The following ZNF560 variants were observed in gnomAD, a reference collection of about 807,000 sequenced individuals.
ZNF560 encodes the protein zinc finger protein 560.
ZNF560 carries 54 observed loss-of-function variants against 81.8 expected under a neutral mutation model. The observed-to-expected ratio is 0.66, with a 90% CI of 0.53 to 0.83. The LOEUF (loss-of-function observed/expected upper bound fraction) is 0.83, where lower values mean the gene tolerates loss of function less well. ZNF560 is among the 40% of genes least tolerant of loss of function. The probability of loss-of-function intolerance (pLI) is 0.00; values close to 1 mark genes in which losing one functional copy is unlikely to be tolerated. For missense variants in ZNF560, 940 were observed against 932.4 expected, an observed-to-expected ratio of 1.01 and a Z score of -0.11; for synonymous variants, 321 against 317.9, an observed-to-expected ratio of 1.01 and a Z score of -0.10.
Position 9,491,791 on chromosome 19 carries a change from A to C in ZNF560, c.-57+6337T>G, listed in dbSNP as rs952628543. On this transcript the variant is annotated intron_variant, in intron 2 of 9. Transcript: ENST00000301480. ...CAGTGAGCCGAGATCCTGCCACTGC[A>C]CTCCAGCCTGGGCGACAGAGCGAGA... 4.8e-4 allele frequency among the ~76,000 whole-genome samples: 51 copies of C among 105,320 alleles called. 1 individual carries two copies. Among genetic ancestry groups the C allele is most frequent in the Non-Finnish European group, 7.6e-4 (43 of 56,234 alleles). The allele number at this position is 105,320 out of a possible 152,430, so 69.1% of individuals were successfully genotyped here.
chr19:9,470,240 TTATTTCC>T (rs1599651949), intron 7 of ZNF560, 145 bp downstream of exon 7: 3 of 759,838 alleles, frequency 3.9e-6, no homozygotes, highest in Non-Finnish European at 6.3e-6. Context: ...ACTGTCTCTG[TTATTTCC>T]TATTTTACTC....
downstream of ZNF560, among the ~76,000 whole-genome samples, chr19:9,464,199 G>A (rs1008748551): frequency 6.6e-6 from 1 of 152,184 alleles, no homozygotes; most frequent in African/African-American, 2.4e-5. Flanking sequence ...TAGTGATGGT[G>A]TCAAGCACAG....
chr19:9,501,572 G>C (rs770720357), upstream of ZNF560, among the ~76,000 whole-genome samples: 1 of 151,728 alleles, frequency 6.6e-6, no homozygotes, highest in Non-Finnish European at 1.5e-5. Context: ...TGTTGGCCAG[G>C]CTGGTCTCAA....
intron 2 of ZNF560, among the ~76,000 whole-genome samples, chr19:9,489,238 G>A (rs994603142): frequency 1.2e-4 from 18 of 152,366 alleles, no homozygotes; most frequent in African/African-American, 4.3e-4. Context: ...TCACTTCCCA[G>A]ACAGTGGGGC....
upstream of ZNF560, among the ~76,000 whole-genome samples, chr19:9,502,531 G>A (rs904609556): frequency 6.6e-5 from 10 of 152,094 alleles, no homozygotes; most frequent in Admixed American, 6.5e-5. Flanking sequence ...TTTTTTGGAG[G>A]ATATTGAGAA....
chr19:9,480,870 G>A (rs961968525), intron 2 of ZNF560, among the ~76,000 whole-genome samples: 1 of 152,090 alleles, frequency 6.6e-6, no homozygotes, highest in Non-Finnish European at 1.5e-5. Flanking sequence ...AAGATTGCTT[G>A]AGCTCAGGAA....
At chr19:9,480,786 G>T (rs931094607) in intron 2 of ZNF560, among the ~76,000 whole-genome samples, 7 of 151,758 alleles carry the variant, frequency 4.6e-5, no homozygotes, top group Non-Finnish European at 1.0e-4. Flanking sequence ...ACAAAAAAAT[G>T]CTTTCAAAAA....
Position 9,467,222 on chromosome 19 carries a change from C to A in ZNF560, c.1725G>T (p.Met575Ile). The A allele has an allele frequency of 6.2e-7, 1 of 1,613,978 alleles. No homozygotes were observed. Among genetic ancestry groups the A allele is most frequent in the Non-Finnish European group, 8.5e-7 (1 of 1,179,986 alleles). ...THAGEKPYEC[M>I]KCGKAFTERS... ...GCTCAGTGAAGGCTTTCCCACATTT[C>A]ATACATTCATAGGGTTTCTCTCCAG... The change falls in exon 10 of 10, where the codon ATG (methionine) becomes ATT (isoleucine). Residue 575 changes from methionine to isoleucine, a missense_variant. Coordinates refer to ENST00000301480, the MANE Select transcript of ZNF560 (RefSeq NM_152476.3).
chr19:9,446,408 A>ACACAC, the ZNF560 span, among the ~76,000 whole-genome samples: 1 of 148,590 alleles, frequency 6.7e-6, no homozygotes, highest in African/African-American at 2.5e-5. Flanking sequence ...ACACACACAC[A>ACACAC]TAAAATATAG....
chr19:9,469,679 A>G lies in ZNF560; in HGVS notation c.480T>C (p.Ser160=). The G allele has an allele frequency of 2.5e-6, 4 of 1,614,188 alleles. No homozygotes were observed. Among genetic ancestry groups the G allele is most frequent in the Non-Finnish European group, 3.4e-6 (4 of 1,180,028 alleles). ...GYQLFKPSLI[S]WLEEEEELST... Reference sequence around the variant, plus strand: ...TCAACTCTTCCTCTTCCTCCAGCCAAGAGATCAGACTGGGTTTGAAGAGCT... The same window carrying G: ...TCAACTCTTCCTCTTCCTCCAGCCAGGAGATCAGACTGGGTTTGAAGAGCT... The change falls in exon 8 of 10, where the codon TCT becomes TCC. Residue 160 remains serine, a synonymous_variant. Coordinates refer to ENST00000301480, the MANE Select transcript of ZNF560 (RefSeq NM_152476.3).
rs2073045482 is a variant in ZNF560 at position 9,467,494 on chromosome 19, G to C, written c.1453C>G (p.Gln485Glu). Reference sequence around the variant, plus strand: ...CACTGGTCACAATCAAAGCGTTTCTGTCCTGTGTTACTTCTTCTATCTTCA... The same window carrying C: ...CACTGGTCACAATCAAAGCGTTTCTCTCCTGTGTTACTTCTTCTATCTTCA... Reference protein sequence around the residue: ...VIEDRRSNTGQKRFDCDQCGK... With the variant: ...VIEDRRSNTGEKRFDCDQCGK... The change falls in exon 10 of 10, where the codon CAG (glutamine) becomes GAG (glutamate). Residue 485 changes from glutamine to glutamate, a missense_variant. Coordinates refer to ENST00000301480, the MANE Select transcript of ZNF560 (RefSeq NM_152476.3). 1.2e-6 allele frequency: 2 copies of C among 1,613,896 alleles called. No individual in the cohort carries two copies. The highest frequency in any genetic ancestry group is 1.7e-5 in the Admixed American group (1 of 59,998).
At position 9,473,330 on chromosome 19, in the gene ZNF560, C is replaced by G. The variant is rs749467359; in HGVS notation, c.158-71G>C. The stretch of plus-strand genomic sequence containing the variant: ...GCACAGTGGCTCATGCCTGTAATCC[C>G]AGCACTTTGGGAGGCTGAAGTGGGT... On this transcript the variant is annotated intron_variant, in intron 4 of 9. Coordinates refer to ENST00000301480, the MANE Select transcript of ZNF560 (RefSeq NM_152476.3). 4.5e-5 allele frequency: 55 copies of G among 1,221,382 alleles called. 3 individuals carry two copies. Among genetic ancestry groups the G allele is most frequent in the Middle Eastern group, 2.0e-4 (1 of 5,028 alleles). The allele number at this position is 1,221,382 out of a possible 1,614,324, so 75.7% of individuals were successfully genotyped here.
intron 2 of ZNF560, among the ~76,000 whole-genome samples, chr19:9,496,391 G>C (rs919509991): frequency 1.3e-5 from 2 of 151,480 alleles, no homozygotes; most frequent in Non-Finnish European, 2.9e-5. Context: ...ATATATTTTT[G>C]TATTTTGTAT....
the ZNF560 span, among the ~76,000 whole-genome samples, chr19:9,503,713 A>T: frequency 6.6e-6 from 1 of 151,836 alleles, no homozygotes; most frequent in East Asian, 1.9e-4. Context: ...TTTTTAGAAA[A>T]TTTTTTGTAG....
At chr19:9,506,396 C>T in the ZNF560 span, among the ~76,000 whole-genome samples, 335 of 145,752 alleles carry the variant, frequency 2.3e-3, 3 homozygotes, top group African/African-American at 7.7e-3. Context: ...TTCTGCTATA[C>T]GACTGCACGC....
At chr19:9,481,677 T>C (rs1198823075) in intron 2 of ZNF560, among the ~76,000 whole-genome samples, 2 of 152,180 alleles carry the variant, frequency 1.3e-5, no homozygotes, top group Non-Finnish European at 2.9e-5. Flanking sequence ...GAAAAAATGC[T>C]CATCATCACT....
At chr19:9,465,373 C>T (rs569611692), downstream of ZNF560, among the ~76,000 whole-genome samples, 306 of 152,238 alleles carry the variant, frequency 2.0e-3, 1 homozygote, top group Non-Finnish European at 2.5e-3. Flanking sequence ...CTCTTGACCT[C>T]GTGATCCACC....
chr19:9,489,248 C>T (rs1025635489), intron 2 of ZNF560, among the ~76,000 whole-genome samples: 5 of 150,966 alleles, frequency 3.3e-5, no homozygotes, highest in South Asian at 2.1e-4. Context: ...GACAGTGGGG[C>T]GGCCAGGCAG....
intron 2 of ZNF560, among the ~76,000 whole-genome samples, chr19:9,494,197 G>A (rs1174430507): frequency 6.6e-6 from 1 of 151,878 alleles, no homozygotes; most frequent in Admixed American, 6.6e-5. Flanking sequence ...TCTCACTTAG[G>A]GGTGAGAAAT....
Sources: gnomAD v4.1 joint callset for allele counts (sites outside exome capture counted in the v4.1 genomes callset) on GRCh38, gnomAD v4.1.1 for gene constraint, MANE v1.5 for transcripts, NCBI Gene and HGNC (gene_info 2026-07-23, HGNC 2026-07-21) for gene names.